The following MRRF variants were observed in gnomAD, a reference collection of about 807,000 sequenced individuals.
MRRF encodes the protein mitochondrial ribosome recycling factor.
MRRF carries 18 observed loss-of-function variants against 25.1 expected under a neutral mutation model. That is an observed-to-expected ratio of 0.72 (90% CI 0.50 to 1.06). MRRF has a LOEUF of 1.06. Among genes scored for constraint, MRRF ranks in the 50% least tolerant of loss-of-function variants. MRRF has a pLI of 0.00. For missense variants in MRRF, 323 were observed against 319.3 expected, an observed-to-expected ratio of 1.01 and a Z score of -0.09; for synonymous variants, 113 against 112.1, an observed-to-expected ratio of 1.01 and a Z score of -0.05.
intron 4 of MRRF, 61 bp downstream of exon 4, chr9:122,285,348 C>A: frequency 1.0e-6 from 1 of 967,000 alleles, no homozygotes; most frequent in Non-Finnish European, 1.7e-6. Context: ...GAGACTGGGT[C>A]ATATCAGGAG....
Position 122,313,310 on chromosome 9 carries a change from G to C in MRRF, c.635G>C (p.Arg212Pro), listed in dbSNP as rs41313845. Residue 212 changes from arginine to proline, a missense_variant, in exon 6 of 7, where the codon CGC (arginine) becomes CCC (proline). Coordinates refer to ENST00000344641, the MANE Select transcript of MRRF (RefSeq NM_138777.5). ...GCCAAAGACTCTTTACGGAAGGTTCGCACCAACTCAATGAACAAGCTGAAG... is the reference window on the plus strand; with the variant it reads ...GCCAAAGACTCTTTACGGAAGGTTCCCACCAACTCAATGAACAAGCTGAAG... ...NKAKDSLRKVRTNSMNKLKKS... is the reference protein window; with the variant it reads ...NKAKDSLRKVPTNSMNKLKKS... 6.2e-7 allele frequency: 1 copy of C among 1,614,016 alleles called. No individual in the cohort carries two copies. Among genetic ancestry groups the C allele is most frequent in the African/African-American group, 1.3e-5 (1 of 75,012 alleles).
At chr9:122,318,799 G>A (rs538327527) in intron 6 of MRRF, among the ~76,000 whole-genome samples, 1 of 152,334 alleles carries the variant, frequency 6.6e-6, no homozygotes, top group East Asian at 1.9e-4. Context: ...AGCTGTTAAT[G>A]TCAGCAAATG....
intron 5 of MRRF, among the ~76,000 whole-genome samples, chr9:122,303,490 C>T (rs1256031174): frequency 6.6e-6 from 1 of 152,088 alleles, no homozygotes; most frequent in Non-Finnish European, 1.5e-5. Context: ...AAGCGATCCT[C>T]CCACTCAGCC....
rs942358654 is a variant in MRRF at position 122,323,632 on chromosome 9, G to GT, written c.*1022dup. ...TTATCTTCGGATACTGGGTTATTAG[G>GT]TTTTTTTCCCTCCAATTATTTTTTA... On this transcript the variant is annotated 3_prime_UTR_variant, in exon 7 of 7. Coordinates refer to ENST00000344641, the MANE Select transcript of MRRF (RefSeq NM_138777.5). The GT allele has an allele frequency of 6.6e-6, 1 of 152,016 alleles. No individual in the cohort carries two copies. The highest frequency in any genetic ancestry group is 2.4e-5 in the African/African-American group (1 of 41,368). The allele number at this position is 152,016 out of a possible 1,614,324, so 9.4% of individuals were successfully genotyped here.
chr9:122,272,547 C>T (rs1832526812), intron 2 of MRRF, among the ~76,000 whole-genome samples: 1 of 151,598 alleles, frequency 6.6e-6, no homozygotes, highest in East Asian at 1.9e-4. Flanking sequence ...TACCTGTAAT[C>T]CCAGCTACTC....
chr9:122,305,894 G>A (rs1428299402), intron 5 of MRRF, among the ~76,000 whole-genome samples: 1 of 152,202 alleles, frequency 6.6e-6, no homozygotes, highest in African/African-American at 2.4e-5. Context: ...ATGCAATAAT[G>A]TAATCATTGT....
Position 122,276,764 on chromosome 9 carries a change from C to T in MRRF, c.185-3679C>T, listed in dbSNP as rs567919438. 2.2e-4 allele frequency among the ~76,000 whole-genome samples: 34 copies of T among 152,254 alleles called. No individual in the cohort carries two copies. In the South Asian group the frequency reaches 7.0e-3, roughly 32 times the overall value. On this transcript the variant is annotated intron_variant, in intron 2 of 6. Transcript: ENST00000344641. Reference sequence around the variant, plus strand: ...GGTGTATTGTATTAGATCAAATTGACTAATTTTATTGATCAACTTTTCTGT... The same window carrying T: ...GGTGTATTGTATTAGATCAAATTGATTAATTTTATTGATCAACTTTTCTGT...
intron 5 of MRRF, among the ~76,000 whole-genome samples, chr9:122,308,879 G>A (rs936368276): frequency 7.9e-5 from 12 of 151,996 alleles, no homozygotes; most frequent in Non-Finnish European, 2.9e-5. Context: ...ATTTTATTGT[G>A]TGTTGTAGGG....
intron 3 of MRRF, among the ~76,000 whole-genome samples, chr9:122,284,292 G>A (rs1020886748): frequency 3.3e-5 from 5 of 152,120 alleles, no homozygotes; most frequent in Non-Finnish European, 5.9e-5. Flanking sequence ...GCACACCTGA[G>A]TTTGGGTCTT....
intron 3 of MRRF, 73 bp from the exon 4 acceptor site, chr9:122,285,096 G>C: frequency 1.1e-6 from 1 of 949,230 alleles, no homozygotes; most frequent in African/African-American, 1.6e-5. Context: ...ACCTGAATCT[G>C]AATTAGATAG....
In MRRF at chr9:122,279,565, T is replaced by A. The variant is rs141639477; in HGVS notation, c.185-878T>A. Among the ~76,000 whole-genome samples the A allele has an allele frequency of 6.0e-4, 92 of 152,366 alleles. No individual in the cohort carries two copies. The East Asian group carries it at 0.014, about 24-fold the overall frequency. On this transcript the variant is annotated intron_variant, in intron 2 of 6. Coordinates refer to ENST00000344641, the MANE Select transcript of MRRF (RefSeq NM_138777.5). ...ATTGTTTAAAATTTTATTGTTTTTC[T>A]CCTTCCCCATTCCCTATAAAAGAAA... is the stretch of plus-strand genomic sequence containing the variant.
intron 6 of MRRF, among the ~76,000 whole-genome samples, chr9:122,316,390 G>A (rs934865490): frequency 6.6e-6 from 1 of 151,970 alleles, no homozygotes; most frequent in African/African-American, 2.4e-5. Context: ...TTGCCAGGCT[G>A]GTCTTGAACT....
At chr9:122,299,244 G>A (rs1025457228) in intron 5 of MRRF, among the ~76,000 whole-genome samples, 2 of 151,476 alleles carry the variant, frequency 1.3e-5, no homozygotes, top group African/African-American at 4.8e-5. Flanking sequence ...AATTACCCAG[G>A]CATGGTGGCA....
At chr9:122,309,044 C>G (rs1199455460) in intron 5 of MRRF, among the ~76,000 whole-genome samples, 1 of 152,196 alleles carries the variant, frequency 6.6e-6, no homozygotes, top group African/African-American at 2.4e-5. Flanking sequence ...TCCCCACTTA[C>G]CTCTTCCCCC....
chr9:122,274,014 G>A (rs1165173818), intron 2 of MRRF, among the ~76,000 whole-genome samples: 2 of 152,070 alleles, frequency 1.3e-5, no homozygotes, highest in African/African-American at 2.4e-5. Context: ...GTGTTGTGGT[G>A]CACATATGTC....
At chr9:122,306,663 C>T (rs1448290185) in intron 5 of MRRF, among the ~76,000 whole-genome samples, 2 of 152,130 alleles carry the variant, frequency 1.3e-5, no homozygotes, top group African/African-American at 4.8e-5. Context: ...CTTTGACCAC[C>T]AAACTTGTGC....
At chr9:122,300,633 T>A (rs1294331463) in intron 5 of MRRF, among the ~76,000 whole-genome samples, 1 of 152,228 alleles carries the variant, frequency 6.6e-6, no homozygotes, top group African/African-American at 2.4e-5. Context: ...TATTTCTGTT[T>A]GCTGATTTCT....
chr9:122,270,945 T>A lies in MRRF; in HGVS notation c.54T>A (p.Tyr18Ter). 1 of 1,614,206 alleles carries A rather than the reference T, an allele frequency of 6.2e-7. No individual in the cohort carries two copies. Among genetic ancestry groups the A allele is most frequent in the Non-Finnish European group, 8.5e-7 (1 of 1,180,034 alleles). The change falls in exon 2 of 7, where the codon TAT (tyrosine) becomes TAA (stop). Residue 18 changes from tyrosine to a stop codon, truncating the protein, a stop_gained. Transcript: ENST00000344641. LOFTEE classifies it high-confidence loss of function. ...TGGTCCACCCTACCTTTCGCAATTA[T>A]CTTGCAGCCTCTATCAGACCCGTTT... ...FRMVHPTFRN[Y>*]LAASIRPVSE...
chr9:122,267,175 T>G (rs1171114809), intron 1 of MRRF, among the ~76,000 whole-genome samples: 1 of 151,956 alleles, frequency 6.6e-6, no homozygotes, highest in Non-Finnish European at 1.5e-5. Flanking sequence ...GGTAAGGAGT[T>G]TGAGACCAGC....
Sources: allele counts gnomAD v4.1 joint callset (sites outside exome capture counted in the v4.1 genomes callset), GRCh38; gene constraint gnomAD v4.1.1; transcripts MANE v1.5; gene names NCBI Gene and HGNC (gene_info 2026-07-23, HGNC 2026-07-21).